The following ACYP2 variants were observed in gnomAD, a reference collection of about 807,000 sequenced individuals.
ACYP2 encodes acylphosphatase 2.
Under a neutral mutation model 11.2 loss-of-function variants are expected in ACYP2, and 12 were observed. The ratio of observed to expected loss-of-function variants is 1.08; its 90% confidence interval spans 0.69 to 1.74. The LOEUF is 1.74. ACYP2 is among the 40% of genes most tolerant of loss of function. The pLI is 0.00. For missense variants in ACYP2, 134 were observed against 101.9 expected, an observed-to-expected ratio of 1.31 and a Z score of -1.35; for synonymous variants, 43 against 32.2, an observed-to-expected ratio of 1.33 and a Z score of -1.13.
chr2:54,056,386 G>C (rs1422035223), intron 3 of ACYP2, among the ~76,000 whole-genome samples: 4 of 152,204 alleles, frequency 2.6e-5, no homozygotes, highest in Non-Finnish European at 4.4e-5. Context: ...AACATCCCTT[G>C]ACTGATTTAG....
chr2:54,255,128 TATGA>T, intron 6 of ACYP2: 1 of 1,614,174 alleles, frequency 6.2e-7, no homozygotes, highest in Non-Finnish European at 8.5e-7. Flanking sequence ...TGTCGGTTCC[TATGA>T]ATGAAGGACT....
chr2:54,115,819 A>T, intron 4 of ACYP2, 63 bp downstream of exon 1: 3 of 1,477,390 alleles, frequency 2.0e-6, no homozygotes, highest in Middle Eastern at 1.8e-4. Flanking sequence ...GAAAGCTGTG[A>T]GAAGCGCCTC....
At chr2:54,278,021 C>G (rs942565227) in intron 6 of ACYP2, among the ~76,000 whole-genome samples, 1 of 151,972 alleles carries the variant, frequency 6.6e-6, no homozygotes, top group Non-Finnish European at 1.5e-5. Flanking sequence ...GCTCTGTCAC[C>G]CAGGCTGGAC....
chr2:54,208,134 C>A (rs1232330675), intron 6 of ACYP2, among the ~76,000 whole-genome samples: 1 of 151,982 alleles, frequency 6.6e-6, no homozygotes, highest in African/African-American at 2.4e-5. Context: ...TCACACTCAC[C>A]CTCTAATTTT....
chr2:53,994,805 C>T (rs1486465207), intron 2 of ACYP2, among the ~76,000 whole-genome samples: 1 of 152,178 alleles, frequency 6.6e-6, no homozygotes. Context: ...AACCAATCTT[C>T]CACAGCCTAA....
intron 6 of ACYP2, among the ~76,000 whole-genome samples, chr2:54,164,567 T>A (rs1327188379): frequency 1.3e-5 from 2 of 152,170 alleles, no homozygotes; most frequent in Non-Finnish European, 2.9e-5. Context: ...AAAGGGACAA[T>A]ATAAACTGAA....
chr2:54,219,492 A>T (rs1685691674), intron 6 of ACYP2, among the ~76,000 whole-genome samples: 1 of 152,198 alleles, frequency 6.6e-6, no homozygotes. Context: ...GAAAAGAGGA[A>T]TAATATGAGG....
At chr2:54,275,640 C>T (rs145203809) in intron 6 of ACYP2, among the ~76,000 whole-genome samples, 169 of 152,272 alleles carry the variant, frequency 1.1e-3, no homozygotes, top group African/African-American at 3.9e-3. Flanking sequence ...AAACTGATAG[C>T]TATCAGTGTG....
Position 54,220,210 on chromosome 2 carries a change from G to T in ACYP2, c.404+81462G>T, listed in dbSNP as rs1420033590. ...TATTGCCAAGGAATTCTTTGCTTCT[G>T]TTATCATTACAGCATATTTTAAATA... On this transcript the variant is annotated intron_variant, in intron 6 of 6. Coordinates refer to ENST00000607452, the MANE Select transcript of ACYP2 (RefSeq NM_001320586.2). Among the ~76,000 whole-genome samples the T allele has an allele frequency of 2.6e-5, 4 of 152,024 alleles. No homozygotes were observed. The South Asian group carries it at 6.2e-4, about 24-fold the overall frequency.
At chr2:54,085,512 G>A (rs1331323496) in intron 4 of ACYP2, among the ~76,000 whole-genome samples, 1 of 151,988 alleles carries the variant, frequency 6.6e-6, no homozygotes, top group Non-Finnish European at 1.5e-5. Flanking sequence ...TTATCTCAGT[G>A]TCTAATACTA....
intron 6 of ACYP2, among the ~76,000 whole-genome samples, chr2:54,189,039 T>G (rs1684128244): frequency 6.6e-6 from 1 of 152,202 alleles, no homozygotes; most frequent in African/African-American, 2.4e-5. Flanking sequence ...CTTTCACAAT[T>G]TTTTAAACCA....
chr2:53,975,957 G>A (rs973032999), intron 2 of ACYP2, among the ~76,000 whole-genome samples: 2 of 152,164 alleles, frequency 1.3e-5, no homozygotes, highest in East Asian at 1.9e-4. Context: ...AAATGCAGTG[G>A]CCCTTCAAAG....
At chr2:54,149,214 C>T (rs563590060) in intron 6 of ACYP2, among the ~76,000 whole-genome samples, 48 of 152,164 alleles carry the variant, frequency 3.2e-4, no homozygotes, top group Admixed American at 5.2e-4. Context: ...TTTAAAAAAA[C>T]CACATTTGTT....
At chr2:54,138,189 T>C (rs1681373182) in intron 5 of ACYP2, among the ~76,000 whole-genome samples, 1 of 152,212 alleles carries the variant, frequency 6.6e-6, no homozygotes, top group South Asian at 2.1e-4. Flanking sequence ...AGTGTTGTAG[T>C]CTCTATTTCT....
At chr2:54,213,675 G>C (rs1405604713) in intron 6 of ACYP2, among the ~76,000 whole-genome samples, 1 of 152,122 alleles carries the variant, frequency 6.6e-6, no homozygotes, top group Admixed American at 6.5e-5. Context: ...CTAATGATTA[G>C]TGATGTTGAG....
intron 2 of ACYP2, among the ~76,000 whole-genome samples, chr2:54,002,275 A>G (rs1025811470): frequency 2.6e-5 from 4 of 151,876 alleles, no homozygotes; most frequent in Non-Finnish European, 2.9e-5. Context: ...GTGTTTTCCA[A>G]TTGTCATCTT....
chr2:54,013,591 C>T (rs554185043), intron 2 of ACYP2, among the ~76,000 whole-genome samples: 9 of 152,044 alleles, frequency 5.9e-5, no homozygotes, highest in East Asian at 1.9e-4. Context: ...TGAGCCACTG[C>T]GCACGGCCAC....
At chr2:54,217,609 G>A (rs1685612554) in intron 6 of ACYP2, among the ~76,000 whole-genome samples, 1 of 152,100 alleles carries the variant, frequency 6.6e-6, no homozygotes, top group Admixed American at 6.6e-5. Flanking sequence ...CTGAGCTCAA[G>A]CGATCCCCCT....
Position 54,190,205 on chromosome 2 carries a change from T to C in ACYP2, c.404+51457T>C, listed in dbSNP as rs551779115. On this transcript the variant is annotated intron_variant, in intron 6 of 6. Coordinates refer to ENST00000607452, the MANE Select transcript of ACYP2 (RefSeq NM_001320586.2). ...TTTCCTTTGCTGTGCAGAAGCTTTTTAGTGTGATGTAGTCCTATTTATTTA... is the reference window on the plus strand; with the variant it reads ...TTTCCTTTGCTGTGCAGAAGCTTTTCAGTGTGATGTAGTCCTATTTATTTA... Among the ~76,000 whole-genome samples, 51 of 152,350 alleles carry C rather than the reference T, an allele frequency of 3.3e-4. No homozygotes were observed. In the South Asian group the frequency reaches 0.01, roughly 30 times the overall value.
Sources: allele counts gnomAD v4.1 joint callset (sites outside exome capture counted in the v4.1 genomes callset), GRCh38; gene constraint gnomAD v4.1.1; transcripts MANE v1.5; gene names NCBI Gene and HGNC (gene_info 2026-07-23, HGNC 2026-07-21).